Variants in PCBP3 observed in about 807,000 individuals in gnomAD.
PCBP3 encodes the protein poly(rC) binding protein 3.
In PCBP3, 25 loss-of-function variants were observed where a neutral mutation model predicts 52.7. The ratio of observed to expected loss-of-function variants is 0.47; its 90% confidence interval spans 0.35 to 0.66. PCBP3 has a LOEUF of 0.66. PCBP3 is among the 30% of genes least tolerant of loss of function. The pLI, the probability that PCBP3 is intolerant of heterozygous loss-of-function variation, is 0.01. For missense variants in PCBP3, 391 were observed against 490.3 expected, an observed-to-expected ratio of 0.80 and a Z score of 1.91; for synonymous variants, 162 against 183.0, an observed-to-expected ratio of 0.89 and a Z score of 0.93.
intron 5 of PCBP3, among the ~76,000 whole-genome samples, chr21:45,881,875 C>T (rs2095413777): frequency 6.6e-6 from 1 of 152,236 alleles, no homozygotes; most frequent in African/African-American, 2.4e-5. Flanking sequence ...CGCAGTGACA[C>T]AGATGACATG....
intron 2 of PCBP3, among the ~76,000 whole-genome samples, chr21:45,723,115 T>C (rs1453668407): frequency 1.3e-5 from 2 of 152,228 alleles, no homozygotes; most frequent in Non-Finnish European, 2.9e-5. Flanking sequence ...GCAGGTGCTT[T>C]TACAGATGTT....
chr21:45,726,664 C>T (rs146451645), intron 2 of PCBP3, among the ~76,000 whole-genome samples: 1 of 152,340 alleles, frequency 6.6e-6, no homozygotes, highest in East Asian at 1.9e-4. Flanking sequence ...CCGCCTGAGG[C>T]CTGCCTGTGT....
At chr21:45,868,340 C>T (rs2094837685) in intron 5 of PCBP3, among the ~76,000 whole-genome samples, 1 of 152,086 alleles carries the variant, frequency 6.6e-6, no homozygotes, top group African/African-American at 2.4e-5. Context: ...TGGAGGCGGC[C>T]CACATCCTGC....
At chr21:45,731,476 G>A (rs2085451293) in intron 2 of PCBP3, among the ~76,000 whole-genome samples, 1 of 152,192 alleles carries the variant, frequency 6.6e-6, no homozygotes, top group African/African-American at 2.4e-5. Flanking sequence ...AGTTTTTAGT[G>A]TGGTAATGAG....
rs974447253 is a variant in PCBP3, at chr21:45,941,910, C to G, written c.*204C>G. 6.9e-6 allele frequency: 3 copies of G among 433,664 alleles called. No homozygotes were observed. The highest frequency in any genetic ancestry group is 8.1e-6 in the Non-Finnish European group (2 of 246,384). 26.9% of individuals were successfully genotyped at this position (433,664 alleles called of 1,614,324 possible). ...AGGCTGCAGGCTCCGCCGAGTCCCC[C>G]CTCAGTGTTATTTTATTTATGACTT... is the stretch of plus-strand genomic sequence containing the variant. On this transcript the variant is annotated 3_prime_UTR_variant, in exon 18 of 18. Transcript: ENST00000681687.
At chr21:45,799,969 G>T (rs1220054002) in intron 4 of PCBP3, among the ~76,000 whole-genome samples, 1 of 152,202 alleles carries the variant, frequency 6.6e-6, no homozygotes, top group Non-Finnish European at 1.5e-5. Context: ...CCAATGCCTG[G>T]TTGCTGGTGG....
At chr21:45,850,765 T>A (rs2093965003) in intron 5 of PCBP3, among the ~76,000 whole-genome samples, 1 of 152,246 alleles carries the variant, frequency 6.6e-6, no homozygotes, top group Non-Finnish European at 1.5e-5. Flanking sequence ...GCATGTACAG[T>A]ACTAGGATGT....
At position 45,805,949 on chromosome 21, in the gene PCBP3, G is replaced by A. The variant is rs1014164560; in HGVS notation, c.-125-44012G>A. ...GCCTCTCCACCCAGGAGTCTGTGAG[G>A]TTCCCATTGCATGAGAAGATGGAGG... On this transcript the variant is annotated intron_variant, in intron 4 of 17. Transcript: ENST00000681687. This position sits in a 1 kb window ranked among gnomAD's most constrained non-coding sequence, Gnocchi z 4.6. Among the ~76,000 whole-genome samples, 2 of 152,172 alleles carry A rather than the reference G, an allele frequency of 1.3e-5. No homozygotes were observed. Among genetic ancestry groups the A allele is most frequent in the African/African-American group, 4.8e-5 (2 of 41,430 alleles).
chr21:45,666,656 T>C (rs1026238960), intron 1 of PCBP3, among the ~76,000 whole-genome samples: 6 of 152,116 alleles, frequency 3.9e-5, no homozygotes, highest in African/African-American at 1.4e-4. Context: ...TCTTTCATGA[T>C]TTTGCATATG....
intron 3 of PCBP3, chr21:45,751,659 CTCCCGGAAA>C (rs2087518808): frequency 6.6e-6 from 1 of 152,338 alleles, no homozygotes; most frequent in Non-Finnish European, 1.5e-5. Context: ...GTGACTGTAT[CTCCCGGAAA>C]GGCCTTAGCG....
At chr21:45,694,639 A>C (rs1453351466) in intron 2 of PCBP3, among the ~76,000 whole-genome samples, 3 of 152,240 alleles carry the variant, frequency 2.0e-5, no homozygotes, top group Admixed American at 6.5e-5. Flanking sequence ...ACATGGCATT[A>C]CACTGAAATT....
intron 4 of PCBP3, among the ~76,000 whole-genome samples, chr21:45,841,448 A>G (rs1167870082): frequency 6.6e-6 from 1 of 150,838 alleles, no homozygotes; most frequent in Admixed American, 6.6e-5. Flanking sequence ...TTCTGTCAAT[A>G]GTAAAATGTC....
chr21:45,769,516 C>G (rs1338450707), intron 4 of PCBP3, among the ~76,000 whole-genome samples: 2 of 152,266 alleles, frequency 1.3e-5, no homozygotes, highest in African/African-American at 4.8e-5. Context: ...CCCTACTGTG[C>G]TTTGTTCAGT....
At chr21:45,654,810 C>G (rs2079911697) in intron 1 of PCBP3, among the ~76,000 whole-genome samples, 1 of 152,146 alleles carries the variant, frequency 6.6e-6, no homozygotes, top group East Asian at 1.9e-4. Context: ...ACTGTCATTA[C>G]TACATAATTC....
intron 3 of PCBP3, chr21:45,750,727 G>A (rs1297071095): frequency 1.3e-5 from 2 of 152,126 alleles, no homozygotes; most frequent in African/African-American, 4.8e-5. Flanking sequence ...AGTTTTTGTA[G>A]TGTGAAAATG....
intron 1 of PCBP3, among the ~76,000 whole-genome samples, chr21:45,654,515 A>G: frequency 6.6e-6 from 1 of 151,826 alleles, no homozygotes; most frequent in South Asian, 2.1e-4. Context: ...TAATTTTTGT[A>G]TTTTTAGTAG....
At chr21:45,681,780 AT>A (rs1357787454) in intron 2 of PCBP3, among the ~76,000 whole-genome samples, 2 of 152,102 alleles carry the variant, frequency 1.3e-5, no homozygotes, top group Non-Finnish European at 2.9e-5. Flanking sequence ...GAATTCAGAA[AT>A]TTTTCCTCTT....
intron 4 of PCBP3, among the ~76,000 whole-genome samples, chr21:45,757,163 C>G (rs148603553): frequency 6.6e-6 from 1 of 152,172 alleles, no homozygotes. Flanking sequence ...GTGAGCGTTC[C>G]GGTTTCCACA....
intron 4 of PCBP3, among the ~76,000 whole-genome samples, chr21:45,848,553 C>A (rs972162640): frequency 6.6e-6 from 1 of 152,228 alleles, no homozygotes; most frequent in Non-Finnish European, 1.5e-5. Context: ...TCCTGCCTCA[C>A]ACTCAGCTGA....
Sources: gnomAD v4.1 joint callset for allele counts (sites outside exome capture counted in the v4.1 genomes callset) on GRCh38, gnomAD v4.1.1 for gene constraint, Gnocchi (gnomAD v3.1) non-coding constraint, MANE v1.5 for transcripts, NCBI Gene and HGNC (gene_info 2026-07-23, HGNC 2026-07-21) for gene names.